Variants in THSD7A observed in about 807,000 individuals in gnomAD.
THSD7A encodes the protein thrombospondin type 1 domain containing 7A, also known as thrombospondin type-1 domain-containing protein 7A.
A neutral mutation model predicts 231.3 loss-of-function variants in THSD7A; 96 were observed. The observed-to-expected ratio is 0.41, with a 90% CI of 0.35 to 0.49. The LOEUF (loss-of-function observed/expected upper bound fraction) is 0.49. Ranked by LOEUF, THSD7A falls within the 20% of genes least tolerant of loss-of-function variation. The probability of loss-of-function intolerance (pLI) is 0.05; values close to 1 mark genes in which losing one functional copy is unlikely to be tolerated. For synonymous variants in THSD7A, 940 were observed against 743.3 expected, an observed-to-expected ratio of 1.26 and a Z score of -4.30; for missense variants, 2,290 against 2,070.2, an observed-to-expected ratio of 1.11 and a Z score of -2.06.
At chr7:11,817,460 T>A (rs1784740987) in intron 1 of THSD7A, among the ~76,000 whole-genome samples, 1 of 152,212 alleles carries the variant, frequency 6.6e-6, no homozygotes, top group Non-Finnish European at 1.5e-5. Flanking sequence ...GGCTGAGCTT[T>A]GTAATTACAC....
chr7:11,801,836 A>G (rs1365895252), intron 1 of THSD7A, among the ~76,000 whole-genome samples: 1 of 152,222 alleles, frequency 6.6e-6, no homozygotes, highest in African/African-American at 2.4e-5. Context: ...GGCAAAGCTT[A>G]CCACAAAATT....
chr7:11,721,382 G>C (rs1474446724), intron 1 of THSD7A, among the ~76,000 whole-genome samples: 2 of 151,702 alleles, frequency 1.3e-5, no homozygotes, highest in Admixed American at 1.3e-4. Flanking sequence ...GCTGTTTAAA[G>C]GTGTGTAGCA....
At chr7:11,466,705 T>C (rs1275888510) in intron 9 of THSD7A, among the ~76,000 whole-genome samples, 1 of 152,118 alleles carries the variant, frequency 6.6e-6, no homozygotes, top group Non-Finnish European at 1.5e-5. Context: ...TGACATGACC[T>C]GTGTTCAGGG....
chr7:11,608,001 G>A (rs533483221), intron 2 of THSD7A, among the ~76,000 whole-genome samples: 18 of 152,246 alleles, frequency 1.2e-4, no homozygotes, highest in African/African-American at 4.3e-4. Context: ...CTCCCTGAAA[G>A]AGCCAGTACA....
At chr7:11,542,620 GA>G (rs2128323127) in intron 5 of THSD7A, among the ~76,000 whole-genome samples, 1 of 152,220 alleles carries the variant, frequency 6.6e-6, no homozygotes, top group African/African-American at 2.4e-5. Flanking sequence ...CAGATAAGGG[GA>G]CAAAGGTTTA....
At chr7:11,429,250 G>T in intron 13 of THSD7A, 125 bp from the exon 14 acceptor site, 2 of 857,448 alleles carry the variant, frequency 2.3e-6, no homozygotes, top group African/African-American at 1.7e-5. Flanking sequence ...ATGCAGAGGT[G>T]TCTCTGTTGT....
Position 11,575,530 on chromosome 7 carries a change from T to C in THSD7A, c.1453+14930A>G, listed in dbSNP as rs1351897148. On this transcript the variant is annotated intron_variant, in intron 4 of 27. Transcript: ENST00000423059. ...TATCCTATCCTCACCGCAATGATGGTTGGAAATTGTGTCTCTGCATTGAAC... is the reference window on the plus strand; with the variant it reads ...TATCCTATCCTCACCGCAATGATGGCTGGAAATTGTGTCTCTGCATTGAAC... Among the ~76,000 whole-genome samples the C allele has an allele frequency of 2.0e-5, 3 of 152,168 alleles. No individual in the cohort carries two copies. In the East Asian group the frequency reaches 5.8e-4, roughly 29 times the overall value.
At chr7:11,829,610 G>A (rs1413352271) in intron 1 of THSD7A, among the ~76,000 whole-genome samples, 2 of 152,006 alleles carry the variant, frequency 1.3e-5, no homozygotes, top group East Asian at 3.9e-4. Flanking sequence ...AGATATTTTG[G>A]AGTATGTCAC....
At chr7:11,754,311 A>T (rs1215800182) in intron 1 of THSD7A, among the ~76,000 whole-genome samples, 1 of 152,080 alleles carries the variant, frequency 6.6e-6, no homozygotes, top group Non-Finnish European at 1.5e-5. Flanking sequence ...AGAGGATGTT[A>T]TGATTGTACA....
chr7:11,831,695 A>T lies in THSD7A; in HGVS notation c.190+62T>A. ...AGCACCGGGGTCCCTACAGAAGCCC[A>T]CCAGCTCCTTAATGTGGCCCCAGAT... On this transcript the variant is annotated intron_variant, in intron 1 of 27. Coordinates refer to ENST00000423059, the MANE Select transcript of THSD7A (RefSeq NM_015204.3). The surrounding 1 kb of genome is among the most constrained non-coding windows in gnomAD (Gnocchi z 5.0). 1 of 1,253,246 alleles carries T rather than the reference A, an allele frequency of 8.0e-7. No individual in the cohort carries two copies. Among genetic ancestry groups the T allele is most frequent in the South Asian group, 2.8e-5 (1 of 36,178 alleles). The allele number at this position is 1,253,246 out of a possible 1,614,324, so 77.6% of individuals were successfully genotyped here. A position where few individuals can be genotyped will look rare whatever the true frequency, so the allele number is the denominator to read the frequency against.
intron 4 of THSD7A, among the ~76,000 whole-genome samples, chr7:11,577,528 A>G (rs888948252): frequency 6.6e-6 from 1 of 151,402 alleles, no homozygotes; most frequent in Non-Finnish European, 1.5e-5. Flanking sequence ...TGTTGACCAG[A>G]CTGATCTTGA....
chr7:11,671,802 G>T (rs941153449), intron 1 of THSD7A, among the ~76,000 whole-genome samples: 2 of 152,110 alleles, frequency 1.3e-5, no homozygotes, highest in Admixed American at 1.3e-4. Flanking sequence ...AAACTAGGAT[G>T]CTTAAAATTT....
intron 2 of THSD7A, among the ~76,000 whole-genome samples, chr7:11,633,214 C>CTGGT (rs1391570274): frequency 1.3e-5 from 2 of 152,062 alleles, no homozygotes; most frequent in Admixed American, 6.6e-5. Context: ...GGAGAAACAC[C>CTGGT]TGGTATACTT....
intron 4 of THSD7A, among the ~76,000 whole-genome samples, chr7:11,582,395 C>T (rs1269074250): frequency 6.6e-6 from 1 of 151,898 alleles, no homozygotes; most frequent in Non-Finnish European, 1.5e-5. Context: ...CACCTTTTTC[C>T]TAAGCAATAC....
chr7:11,820,637 G>A, intron 1 of THSD7A: 1 of 761,356 alleles, frequency 1.3e-6, no homozygotes, highest in Non-Finnish European at 2.4e-6. Flanking sequence ...TTCCTCGAGC[G>A]CTCTGCCACC....
At chr7:11,431,806 T>C (rs1209041671) in intron 13 of THSD7A, among the ~76,000 whole-genome samples, 1 of 152,164 alleles carries the variant, frequency 6.6e-6, no homozygotes, top group Non-Finnish European at 1.5e-5. Context: ...TTCAGACACA[T>C]GGAATTCATT....
chr7:11,525,464 C>T (rs1326168366), intron 6 of THSD7A, among the ~76,000 whole-genome samples: 6 of 152,068 alleles, frequency 3.9e-5, no homozygotes, highest in African/African-American at 1.4e-4. Context: ...GAAGCTTAAA[C>T]AACTTACTAC....
At chr7:11,662,114 C>T (rs1782951017) in intron 1 of THSD7A, among the ~76,000 whole-genome samples, 1 of 150,902 alleles carries the variant, frequency 6.6e-6, no homozygotes. Context: ...TATATTGAAA[C>T]CAAAACACAT....
At position 11,831,884 on chromosome 7, in the gene THSD7A, G is replaced by A. The variant is rs1785208310; in HGVS notation, c.63C>T (p.Gly21=). ...GSRGAAGPRR[G]VLQLLPLPLP... is the part of the protein sequence containing the mutation. ...GCGGCAGCGGCAGCAGCTGCAGGAC[G>A]CCCCGGCGCGGCCCCGCAGCGCCCC... is the stretch of plus-strand genomic sequence containing the variant. The change falls in exon 1 of 28, where the codon GGC becomes GGT. Residue 21 remains glycine (G), a synonymous_variant. Transcript: ENST00000423059. This position sits in a 1 kb window ranked among gnomAD's most constrained non-coding sequence, Gnocchi z 5.0. 3.2e-6 allele frequency: 4 copies of A among 1,248,406 alleles called. No individual in the cohort carries two copies. Among genetic ancestry groups the A allele is most frequent in the Admixed American group, 8.5e-5 (2 of 23,458 alleles). 77.3% of individuals were successfully genotyped at this position (1,248,406 alleles called of 1,614,324 possible).
Sources: allele counts gnomAD v4.1 joint callset (sites outside exome capture counted in the v4.1 genomes callset), GRCh38; gene constraint gnomAD v4.1.1; non-coding constraint Gnocchi (gnomAD v3.1); transcripts MANE v1.5; gene names NCBI Gene and HGNC (gene_info 2026-07-23, HGNC 2026-07-21).